SHROOM4: variants seen among roughly 807,000 people sequenced by gnomAD.
The protein encoded by SHROOM4 is shroom family member 4.
A neutral mutation model predicts 80.3 loss-of-function variants in SHROOM4; 17 were observed. The observed-to-expected ratio is 0.21, with a 90% CI of 0.14 to 0.32. The LOEUF (loss-of-function observed/expected upper bound fraction) is 0.32. Ranked by LOEUF, SHROOM4 falls within the 10% of genes least tolerant of loss-of-function variation. The pLI, the probability that SHROOM4 is intolerant of heterozygous loss-of-function variation, is 1.00. For missense variants in SHROOM4, 993 were observed against 1,140.3 expected (o/e 0.87, Z 1.86); for synonymous variants, 400 against 437.5 (o/e 0.91, Z 1.07).
At chrX:50,744,011 T>C (rs1484629447) in intron 1 of SHROOM4, among the ~76,000 whole-genome samples, 1 of 111,554 alleles carries the variant, frequency 9.0e-6, no homozygotes, top group Non-Finnish European at 1.9e-5. Context: ...GATAAGTCAT[T>C]TTCCTCTGGC....
At chrX:50,782,941 C>A (rs1557270773) in intron 1 of SHROOM4, among the ~76,000 whole-genome samples, 1 of 111,879 alleles carries the variant, frequency 8.9e-6, no homozygotes, top group African/African-American at 3.2e-5. Flanking sequence ...TGCTGTTCAA[C>A]ATTGTGCCCA....
At chrX:50,603,507 T>A (rs1929529431) in intron 6 of SHROOM4, among the ~76,000 whole-genome samples, 1 of 111,265 alleles carries the variant, frequency 9.0e-6, no homozygotes, top group Non-Finnish European at 1.9e-5. Flanking sequence ...TTGCCTGCTG[T>A]AGGGCAGGAC....
intron 1 of SHROOM4, among the ~76,000 whole-genome samples, chrX:50,771,508 T>A (rs1557269714): frequency 1.8e-5 from 2 of 112,162 alleles, no homozygotes; most frequent in Non-Finnish European, 3.8e-5. Context: ...TCTAGGTGTA[T>A]TCATGGAAAT....
intron 1 of SHROOM4, among the ~76,000 whole-genome samples, chrX:50,713,547 C>T (rs900468940): frequency 2.7e-5 from 3 of 110,839 alleles, no homozygotes; most frequent in Admixed American, 9.6e-5. Context: ...GGGAGGATTG[C>T]TTGAACCTAC....
intron 1 of SHROOM4, among the ~76,000 whole-genome samples, chrX:50,741,284 G>A (rs1934649093): frequency 9.0e-6 from 1 of 110,675 alleles, no homozygotes; most frequent in African/African-American, 3.3e-5. Context: ...AGGCTGAGAA[G>A]GGGAAGGGAA....
the SHROOM4 span, among the ~76,000 whole-genome samples, chrX:50,576,708 C>T: frequency 9.0e-6 from 1 of 110,609 alleles, no homozygotes; most frequent in Non-Finnish European, 1.9e-5. Flanking sequence ...TTTAAAAAAT[C>T]GGTTTTGATT....
At chrX:50,799,941 G>C (rs1266885195) in intron 1 of SHROOM4, among the ~76,000 whole-genome samples, 1 of 112,071 alleles carries the variant, frequency 8.9e-6, no homozygotes, top group Non-Finnish European at 1.9e-5. Context: ...TTACACACAG[G>C]AACTCCAGCA....
Position 50,695,940 on chromosome X carries a change from G to T in SHROOM4, c.118-3C>A. On this transcript the variant is annotated splice_polypyrimidine_tract_variant and splice_region_variant and intron_variant, in intron 1 of 8. Transcript: ENST00000376020. ...GCTGCCTTGCCTCCATCTTCAATCT[G>T]TGTTGCAGAGAACAAAACAGAAAGC... is the stretch of plus-strand genomic sequence containing the variant. 2 of 1,211,395 alleles carry T rather than the reference G, an allele frequency of 1.7e-6. No homozygotes were observed. The highest frequency in any genetic ancestry group is 2.2e-6 in the Non-Finnish European group (2 of 895,251).
chrX:50,761,852 C>T (rs1005041377), intron 1 of SHROOM4, among the ~76,000 whole-genome samples: 63 of 111,931 alleles, frequency 5.6e-4, no homozygotes, highest in Middle Eastern at 9.3e-3. Flanking sequence ...TGAGCCACTG[C>T]GCCTGGCCCA....
chrX:50,614,374 AT>A (rs782261177), intron 5 of SHROOM4, among the ~76,000 whole-genome samples: 84 of 112,244 alleles, frequency 7.5e-4, no homozygotes, highest in Non-Finnish European at 1.1e-3. Flanking sequence ...TATTTGTAAC[AT>A]ATACAACTAA....
At chrX:50,646,607 C>T (rs1602400697) in intron 2 of SHROOM4, among the ~76,000 whole-genome samples, 1 of 104,994 alleles carries the variant, frequency 9.5e-6, no homozygotes, top group African/African-American at 3.5e-5. Flanking sequence ...AGGACAATGG[C>T]TTTCTCATCA....
chrX:50,781,833 C>G (rs1019656505), intron 1 of SHROOM4, among the ~76,000 whole-genome samples: 1 of 111,818 alleles, frequency 8.9e-6, no homozygotes, highest in African/African-American at 3.2e-5. Context: ...ATATTGTGTA[C>G]AGGTCTGGTT....
intron 2 of SHROOM4, among the ~76,000 whole-genome samples, chrX:50,656,857 G>A (rs1367051205): frequency 9.0e-6 from 1 of 111,062 alleles, no homozygotes; most frequent in Non-Finnish European, 1.9e-5. Context: ...TTTAATGATA[G>A]TAATTCTTCT....
At position 50,635,157 on chromosome X, in the gene SHROOM4, G is replaced by T; in HGVS notation, c.916C>A (p.Pro306Thr). 8.3e-7 allele frequency: 1 copy of T among 1,208,825 alleles called. No homozygotes were observed. The highest frequency in any genetic ancestry group is 1.1e-6 in the Non-Finnish European group (1 of 893,871). Residue 306 changes from proline to threonine, a missense_variant, in exon 4 of 9, where the codon CCA becomes ACA. Coordinates refer to ENST00000376020, the MANE Select transcript of SHROOM4 (RefSeq NM_020717.5). ...RRASEPVVPL[P>T]QKEKLSLEPV... ...TCTAAGCTCAGTTTCTCCTTCTGTG[G>T]CAAGGGGACCACAGGCTCAGATGCC...
At chrX:50,769,472 A>T (rs915014857) in intron 1 of SHROOM4, among the ~76,000 whole-genome samples, 1 of 111,991 alleles carries the variant, frequency 8.9e-6, no homozygotes, top group South Asian at 3.7e-4. Context: ...TTTATGAGGC[A>T]TATCTGTGCT....
At chrX:50,748,706 T>G (rs919470834) in intron 1 of SHROOM4, among the ~76,000 whole-genome samples, 5 of 111,512 alleles carry the variant, frequency 4.5e-5, no homozygotes, top group African/African-American at 1.6e-4. Context: ...CCCCCATACT[T>G]AGGAGCCAAA....
intron 1 of SHROOM4, among the ~76,000 whole-genome samples, chrX:50,755,679 G>A (rs1935025613): frequency 8.9e-6 from 1 of 111,732 alleles, no homozygotes; most frequent in African/African-American, 3.3e-5. Context: ...AATGAAATGA[G>A]ACTCAGGAGA....
chrX:50,606,055 C>CACATGGGA (rs782668248), intron 6 of SHROOM4, among the ~76,000 whole-genome samples: 1 of 105,048 alleles, frequency 9.5e-6, no homozygotes, highest in South Asian at 4.8e-4. Context: ...GAGAAGCAGC[C>CACATGGGA]ACATGGGATC....
rs782335314 is a variant in SHROOM4 at position 50,599,171 on chromosome X, T to C, written c.3943-636A>G. Among the ~76,000 whole-genome samples, 21 of 111,321 alleles carry C rather than the reference T, an allele frequency of 1.9e-4. 1 individual carries two copies. The highest frequency in any genetic ancestry group is 3.6e-4 in the Non-Finnish European group (19 of 53,110). On this transcript the variant is annotated intron_variant, in intron 7 of 8. Coordinates refer to ENST00000376020, the MANE Select transcript of SHROOM4 (RefSeq NM_020717.5). ...TCCCTTCCTGGGACGATTTAATAAA[T>C]AGGAGCTACAGTCCTTTTGAGAGCC... is the stretch of plus-strand genomic sequence containing the variant.
Sources: gnomAD v4.1 joint callset for allele counts (sites outside exome capture counted in the v4.1 genomes callset) on GRCh38, gnomAD v4.1.1 for gene constraint, MANE v1.5 for transcripts, NCBI Gene and HGNC (gene_info 2026-07-23, HGNC 2026-07-21) for gene names.